M1AP: variants seen among roughly 807,000 people sequenced by gnomAD.
M1AP encodes the protein meiosis 1 associated protein.
Under a neutral mutation model 51.2 loss-of-function variants are expected in M1AP, and 39 were observed. The observed-to-expected ratio is 0.76, with a 90% CI of 0.59 to 1.00. The LOEUF (loss-of-function observed/expected upper bound fraction) is 1.00, where lower values mean the gene tolerates loss of function less well. Among genes scored for constraint, M1AP ranks in the 50% least tolerant of loss-of-function variants. The probability of loss-of-function intolerance (pLI) is 0.00; values close to 1 mark genes in which losing one functional copy is unlikely to be tolerated. For synonymous variants in M1AP, 251 were observed against 249.2 expected (o/e 1.01, Z -0.07); for missense variants, 545 against 641.2 (o/e 0.85, Z 1.62).
At chr2:74,642,933 GT>G (rs1336144315) in intron 1 of M1AP, among the ~76,000 whole-genome samples, 1 of 151,998 alleles carries the variant, frequency 6.6e-6, no homozygotes, top group Non-Finnish European at 1.5e-5. Flanking sequence ...GCCCAGGTTG[GT>G]CTTGAACTTC....
At chr2:74,606,784 T>C (rs1681032730) in intron 4 of M1AP, among the ~76,000 whole-genome samples, 1 of 152,242 alleles carries the variant, frequency 6.6e-6, no homozygotes, top group Non-Finnish European at 1.5e-5. Flanking sequence ...AACATCTGTC[T>C]GAACCTCAGT....
In M1AP at chr2:74,560,211, G is replaced by T. The variant is rs750790718; in HGVS notation, c.1362C>A (p.Ser454Arg). The T allele has an allele frequency of 6.2e-7, 1 of 1,614,008 alleles. No individual in the cohort carries two copies. The highest frequency in any genetic ancestry group is 8.5e-7 in the Non-Finnish European group (1 of 1,179,988). Residue 454 changes from serine (S) to arginine (R), a missense_variant, in exon 9 of 11, where the codon AGC becomes AGA. Physicochemically the swap from Ser to Arg is moderately radical, Grantham distance 110. Transcript: ENST00000421985. ...VQSHLYSHLS[S>R]IYAKPQGRLH... is the part of the protein sequence containing the mutation. ...GCCGCCCCTGAGGCTTGGCATAGATGCTGCTCAGGTGTGAGTACAGGTGGC... is the reference window on the plus strand; with the variant it reads ...GCCGCCCCTGAGGCTTGGCATAGATTCTGCTCAGGTGTGAGTACAGGTGGC...
chr2:74,575,392 C>T, intron 7 of M1AP, 46 bp downstream of exon 7: 1 of 1,611,018 alleles, frequency 6.2e-7, no homozygotes, highest in Non-Finnish European at 8.5e-7. Flanking sequence ...GTGGTTGGTA[C>T]TTTAAAAACG....
chr2:74,569,319 A>G (rs997298518), intron 7 of M1AP, among the ~76,000 whole-genome samples: 16 of 151,310 alleles, frequency 1.1e-4, no homozygotes, highest in African/African-American at 3.9e-4. Context: ...TCTATATTTT[A>G]TATGTGATGG....
chr2:74,629,493 C>T (rs1207602435), intron 2 of M1AP, among the ~76,000 whole-genome samples: 2 of 152,180 alleles, frequency 1.3e-5, no homozygotes, highest in African/African-American at 4.8e-5. Context: ...TGGCTCATGC[C>T]TGTAATCCCA....
At chr2:74,590,681 T>A (rs1211176061) in intron 4 of M1AP, among the ~76,000 whole-genome samples, 1 of 152,172 alleles carries the variant, frequency 6.6e-6, no homozygotes, top group Non-Finnish European at 1.5e-5. Flanking sequence ...GAAGCTGCAC[T>A]GCACCCCTCA....
Position 74,581,823 on chromosome 2 carries a change from A to G in M1AP, c.620T>C (p.Ile207Thr), listed in dbSNP as rs1558658719. 1.2e-6 allele frequency: 2 copies of G among 1,613,818 alleles called. No homozygotes were observed. The highest frequency in any genetic ancestry group is 1.7e-6 in the Non-Finnish European group (2 of 1,179,740). ...ATCATTGTCTATAGTCTGAAGGTCA[A>G]TGTCAGTTCCCAGAATAGAACTCTC... ...NDESSILGTD[I>T]DLQTIDNDIV... The change falls in exon 5 of 11, where the codon ATT becomes ACT. Residue 207 changes from isoleucine (I) to threonine (T), a missense_variant. By Grantham distance (89) the Ile-to-Thr change is moderately conservative (BLOSUM62 -1). Transcript: ENST00000421985.
At chr2:74,568,513 C>T (rs1042965113) in intron 7 of M1AP, among the ~76,000 whole-genome samples, 1 of 152,122 alleles carries the variant, frequency 6.6e-6, no homozygotes, top group Non-Finnish European at 1.5e-5. Flanking sequence ...GTTGGAGAAG[C>T]TGAGAATCCA....
At chr2:74,615,208 G>T in intron 2 of M1AP, 59 bp from the exon 3 acceptor site, 1 of 1,441,326 alleles carries the variant, frequency 6.9e-7, no homozygotes. Context: ...CAGATTAATT[G>T]GCAGTCTAAA....
chr2:74,626,551 G>A (rs989462603), intron 2 of M1AP, among the ~76,000 whole-genome samples: 7 of 151,874 alleles, frequency 4.6e-5, no homozygotes, highest in African/African-American at 1.7e-4. Context: ...GAACGAACAC[G>A]CCCAGCCTGT....
At chr2:74,567,576 A>G (rs1678470552) in intron 7 of M1AP, among the ~76,000 whole-genome samples, 1 of 152,248 alleles carries the variant, frequency 6.6e-6, no homozygotes, top group African/African-American at 2.4e-5. Flanking sequence ...TGGGGATAAA[A>G]TAAGTTAGTA....
intron 2 of M1AP, chr2:74,628,882 C>G (rs17010104): frequency 0.013 from 5,366 of 424,430 alleles, 251 homozygotes; most frequent in African/African-American, 0.1. Flanking sequence ...TTAGTTGTCT[C>G]CTCTTCTGCA....
At chr2:74,624,616 T>A (rs1682265362) in intron 2 of M1AP, among the ~76,000 whole-genome samples, 1 of 152,218 alleles carries the variant, frequency 6.6e-6, no homozygotes, top group African/African-American at 2.4e-5. Context: ...AAATTGGTAT[T>A]TTATCAGCAT....
chr2:74,584,440 C>T (rs1679583735), intron 4 of M1AP, among the ~76,000 whole-genome samples: 1 of 136,538 alleles, frequency 7.3e-6, no homozygotes, highest in Admixed American at 7.6e-5. Flanking sequence ...GAGACACTGT[C>T]TCAGTTGCAA....
intron 4 of M1AP, among the ~76,000 whole-genome samples, chr2:74,593,135 A>C (rs1466223596): frequency 6.6e-6 from 1 of 152,186 alleles, no homozygotes; most frequent in Non-Finnish European, 1.5e-5. Flanking sequence ...GGGAATGAGG[A>C]GAGAAAAGGT....
intron 1 of M1AP, 153 bp downstream of exon 1, chr2:74,648,112 C>A (rs1422565283): frequency 4.1e-6 from 4 of 983,720 alleles, no homozygotes; most frequent in Non-Finnish European, 4.8e-6. Context: ...GAGCCTCTCT[C>A]GGCGTCAGTC....
intron 4 of M1AP, among the ~76,000 whole-genome samples, chr2:74,594,543 A>G (rs1680219358): frequency 6.6e-6 from 1 of 152,144 alleles, no homozygotes; most frequent in Non-Finnish European, 1.5e-5. Flanking sequence ...AAAATATTTA[A>G]AAAAAATGGC....
At chr2:74,599,893 C>T (rs1046617933) in intron 4 of M1AP, among the ~76,000 whole-genome samples, 19 of 150,872 alleles carry the variant, frequency 1.3e-4, no homozygotes, top group African/African-American at 3.2e-4. Context: ...TGCACTGATG[C>T]GATCATAGCT....
intron 1 of M1AP, among the ~76,000 whole-genome samples, chr2:74,644,609 T>C (rs545034552): frequency 1.2e-4 from 19 of 152,256 alleles, no homozygotes; most frequent in African/African-American, 4.3e-4. Flanking sequence ...CTCTTCAAAC[T>C]TCCCTTTTTG....
Sources: allele counts gnomAD v4.1 joint callset (sites outside exome capture counted in the v4.1 genomes callset), GRCh38; gene constraint gnomAD v4.1.1; transcripts MANE v1.5; gene names NCBI Gene and HGNC (gene_info 2026-07-23, HGNC 2026-07-21).